Variants in CELF2 observed in about 807,000 individuals in gnomAD.
CELF2 encodes the protein CUG triplet repeat RNA-binding protein 2.
In CELF2, 8 loss-of-function variants were observed where a neutral mutation model predicts 62.6. That is an observed-to-expected ratio of 0.13 (90% CI 0.07 to 0.23). The LOEUF (loss-of-function observed/expected upper bound fraction) is 0.23. Ranked by LOEUF, CELF2 falls within the 10% of genes least tolerant of loss-of-function variation. The pLI is 1.00. For missense variants in CELF2, 333 were observed against 671.0 expected, an observed-to-expected ratio of 0.50 and a Z score of 5.56; for synonymous variants, 258 against 250.0, an observed-to-expected ratio of 1.03 and a Z score of -0.30.
At chr10:10,482,469 T>A in the CELF2 span, among the ~76,000 whole-genome samples, 3 of 152,212 alleles carry the variant, frequency 2.0e-5, no homozygotes, top group African/African-American at 4.8e-5. Context: ...GGTTAAAGTG[T>A]TAAAAAAGTT....
At chr10:10,852,683 A>T (rs1458345198) in intron 1 of CELF2, among the ~76,000 whole-genome samples, 1 of 152,310 alleles carries the variant, frequency 6.6e-6, no homozygotes, top group Non-Finnish European at 1.5e-5. Context: ...ATACTAGAAC[A>T]CTTTTGCAAG....
chr10:10,970,398 G>A (rs2050636451), intron 2 of CELF2, among the ~76,000 whole-genome samples: 2 of 152,114 alleles, frequency 1.3e-5, no homozygotes, highest in Admixed American at 1.3e-4. Flanking sequence ...ATTGGCTGAA[G>A]GATTAAAGTG....
chr10:10,774,743 A>G, the CELF2 span, among the ~76,000 whole-genome samples: 1 of 152,210 alleles, frequency 6.6e-6, no homozygotes, highest in Admixed American at 6.5e-5. Flanking sequence ...CAGTGTGAGA[A>G]GGAACTAATA....
chr10:10,511,174 C>T, the CELF2 span, among the ~76,000 whole-genome samples: 16 of 152,246 alleles, frequency 1.1e-4, no homozygotes, highest in African/African-American at 3.4e-4. Flanking sequence ...CTTTGGGAGG[C>T]CAAGGTGGAC....
the CELF2 span, among the ~76,000 whole-genome samples, chr10:10,568,307 G>A: frequency 0.011 from 1,598 of 151,202 alleles, 28 homozygotes; most frequent in African/African-American, 0.036. Flanking sequence ...GGATGAGTCC[G>A]GAGAAAAAAA....
intron 1 of CELF2, among the ~76,000 whole-genome samples, chr10:10,833,784 A>G (rs1359376122): frequency 6.6e-6 from 1 of 152,226 alleles, no homozygotes; most frequent in Non-Finnish European, 1.5e-5. Flanking sequence ...ACCAGTCAGA[A>G]TGGCTATTAT....
chr10:10,892,673 C>T (rs141713136), intron 1 of CELF2, among the ~76,000 whole-genome samples: 1 of 152,314 alleles, frequency 6.6e-6, no homozygotes, highest in East Asian at 1.9e-4. Flanking sequence ...CTATCTGGGA[C>T]ATGCAGTGAA....
At chr10:10,958,894 G>GGTAT (rs1272118577) in intron 2 of CELF2, among the ~76,000 whole-genome samples, 3 of 152,018 alleles carry the variant, frequency 2.0e-5, no homozygotes, top group Non-Finnish European at 4.4e-5. Context: ...AACATCACAA[G>GGTAT]GTATGTATGT....
the CELF2 span, among the ~76,000 whole-genome samples, chr10:10,780,431 G>A: frequency 3.9e-5 from 6 of 151,958 alleles, no homozygotes; most frequent in Non-Finnish European, 5.9e-5. Flanking sequence ...ATCCTAATCT[G>A]TGACAGTGAT....
chr10:10,682,844 A>C, the CELF2 span, among the ~76,000 whole-genome samples: 1 of 152,134 alleles, frequency 6.6e-6, no homozygotes, highest in African/African-American at 2.4e-5. Flanking sequence ...CTTCTTTGTA[A>C]AAAGTATTTT....
In CELF2 at chr10:11,008,207, C is replaced by A. The variant is rs866856943; in HGVS notation, c.53+2767C>A. Among the ~76,000 whole-genome samples the A allele has an allele frequency of 6.6e-6, 1 of 152,162 alleles. No individual in the cohort carries two copies. The highest frequency in any genetic ancestry group is 6.5e-5 in the Admixed American group (1 of 15,274). ...ACAAATGTTGGAGGAAAGTTTAATT[C>A]TAAGCCCAGACATGCAGAAAAATGA... On this transcript the variant is annotated intron_variant, in intron 1 of 12. Coordinates refer to the CELF2 transcript ENST00000416382. The surrounding 1 kb of genome is among the most constrained non-coding windows in gnomAD (Gnocchi z 4.5).
intron 2 of CELF2, among the ~76,000 whole-genome samples, chr10:11,194,421 A>G (rs912150057): frequency 6.6e-6 from 1 of 152,188 alleles, no homozygotes; most frequent in Non-Finnish European, 1.5e-5. Context: ...AAAATTCAAA[A>G]TTTTTAAATG....
Position 11,008,511 on chromosome 10 carries a change from A to G in CELF2, c.53+3071A>G, listed in dbSNP as rs1463196557. On this transcript the variant is annotated intron_variant, in intron 1 of 12. Coordinates refer to the CELF2 transcript ENST00000416382. This position sits in a 1 kb window ranked among gnomAD's most constrained non-coding sequence, Gnocchi z 4.5. The stretch of plus-strand genomic sequence containing the variant: ...CATTTGATTAGTATTCATATCTAGA[A>G]CTTTGTAGCAAGTGCAGATTGTGCT... Among the ~76,000 whole-genome samples the G allele has an allele frequency of 6.6e-6, 1 of 152,238 alleles. No homozygotes were observed. The highest frequency in any genetic ancestry group is 6.5e-5 in the Admixed American group (1 of 15,284).
Position 11,247,918 on chromosome 10 carries a change from TC to T in CELF2, c.355-1233del, listed in dbSNP as rs1378593494. Among the ~76,000 whole-genome samples the T allele has an allele frequency of 6.6e-6, 1 of 152,132 alleles. No individual in the cohort carries two copies. The highest frequency in any genetic ancestry group is 6.5e-5 in the Admixed American group (1 of 15,268). On this transcript the variant is annotated intron_variant, in intron 3 of 12. Coordinates refer to ENST00000633077, the MANE Select transcript of CELF2 (RefSeq NM_001326342.2). The surrounding 1 kb of genome is among the most constrained non-coding windows in gnomAD (Gnocchi z 5.4). ...CACTTAGCCTCTTTCTTCTCCCTCC[TC>T]CTCTGTTCTGAAGACCCAGGCCGGC...
chr10:10,841,981 G>C (rs1460257672), intron 1 of CELF2, among the ~76,000 whole-genome samples: 2 of 151,950 alleles, frequency 1.3e-5, no homozygotes, highest in East Asian at 1.9e-4. Context: ...GTGTTATGAA[G>C]TTTTCTGTAT....
chr10:10,626,657 G>T, the CELF2 span, among the ~76,000 whole-genome samples: 1 of 152,112 alleles, frequency 6.6e-6, no homozygotes, highest in East Asian at 1.9e-4. Flanking sequence ...TTATTGAGTT[G>T]AAACAGAATT....
chr10:10,825,615 G>C (rs1355396792), intron 1 of CELF2, among the ~76,000 whole-genome samples: 2 of 152,160 alleles, frequency 1.3e-5, no homozygotes, highest in Non-Finnish European at 2.9e-5. Flanking sequence ...AAATGTGCCT[G>C]TCATTTTTGC....
At chr10:10,839,541 T>C (rs1415285106) in intron 1 of CELF2, among the ~76,000 whole-genome samples, 1 of 152,222 alleles carries the variant, frequency 6.6e-6, no homozygotes, top group East Asian at 1.9e-4. Context: ...GTGCAGTGCT[T>C]ATGTACAGCT....
chr10:11,328,953 C>G lies in CELF2; in HGVS notation c.1466C>G (p.Ser489Cys), dbSNP rs1484342722. Residue 489 changes from serine (S) to cysteine (C), a missense_variant, in exon 13 of 13, where the codon TCT (serine) becomes TGT (cysteine). By Grantham distance (112) the Ser-to-Cys change is moderately radical. Around this residue, in one of 3 missense-constraint regions of CELF2, gnomAD observed 35 missense variants for 128.1 expected, o/e 0.27. Transcript: ENST00000633077. The surrounding 1 kb of genome is among the most constrained non-coding windows in gnomAD (Gnocchi z 6.4). ...FGFVSYDNPV[S>C]AQAAIQAMNG... is the part of the protein sequence containing the mutation. ...TTTGTTAGCTACGACAATCCAGTCT[C>G]TGCACAAGCTGCTATCCAAGCTATG... 1 of 1,613,048 alleles carries G rather than the reference C, an allele frequency of 6.2e-7. No homozygotes were observed. Among genetic ancestry groups the G allele is most frequent in the East Asian group, 2.2e-5 (1 of 44,838 alleles).
Sources: gnomAD v4.1 joint callset for allele counts (sites outside exome capture counted in the v4.1 genomes callset) on GRCh38, gnomAD v4.1.1 for gene constraint, gnomAD v4.1.1 regional missense constraint, Gnocchi (gnomAD v3.1) non-coding constraint, MANE v1.5 for transcripts, NCBI Gene and HGNC (gene_info 2026-07-23, HGNC 2026-07-21) for gene names.